The following ZFAT variants were observed in gnomAD, a reference collection of about 807,000 sequenced individuals.
The protein encoded by ZFAT is zinc finger protein ZFAT.
Under a neutral mutation model 117.7 loss-of-function variants are expected in ZFAT, and 64 were observed. That is an observed-to-expected ratio of 0.54 (90% CI 0.44 to 0.67). The LOEUF (loss-of-function observed/expected upper bound fraction) is 0.67. ZFAT is among the 30% of genes least tolerant of loss of function. ZFAT has a pLI of 0.00. For missense variants in ZFAT, 1,433 were observed against 1,584.5 expected (o/e 0.90, Z 1.62); for synonymous variants, 679 against 615.0 (o/e 1.10, Z -1.54).
At chr8:134,734,451 C>T in the ZFAT span, among the ~76,000 whole-genome samples, 2 of 152,248 alleles carry the variant, frequency 1.3e-5, no homozygotes, top group Non-Finnish European at 2.9e-5. Flanking sequence ...ACATATATCA[C>T]ACAGTTGTGA....
intron 2 of ZFAT, among the ~76,000 whole-genome samples, chr8:134,644,854 C>G (rs1563720121): frequency 6.6e-6 from 1 of 152,090 alleles, no homozygotes; most frequent in Non-Finnish European, 1.5e-5. Flanking sequence ...CACACACCAT[C>G]TATATACACA....
the ZFAT span, chr8:134,797,623 C>G: frequency 6.6e-6 from 1 of 151,996 alleles, no homozygotes. Flanking sequence ...TTAAGTAGCT[C>G]AACAGGTTCT....
intron 5 of ZFAT, among the ~76,000 whole-genome samples, chr8:134,603,448 A>G (rs1827662995): frequency 1.3e-5 from 2 of 152,234 alleles, no homozygotes; most frequent in South Asian, 4.1e-4. Context: ...AGTCTGCTGC[A>G]TAAGACTGGA....
chr8:134,585,137 G>A (rs758638309), intron 9 of ZFAT, among the ~76,000 whole-genome samples: 5 of 152,144 alleles, frequency 3.3e-5, no homozygotes, highest in African/African-American at 7.2e-5. Flanking sequence ...CACTTCCCAC[G>A]AAGTCTTCAG....
chr8:134,710,591 C>A (rs1813957316), intron 1 of ZFAT, among the ~76,000 whole-genome samples: 1 of 152,134 alleles, frequency 6.6e-6, no homozygotes, highest in Admixed American at 6.5e-5. Context: ...TGCTTGGGAC[C>A]AGAAGTTTTA....
intron 12 of ZFAT, among the ~76,000 whole-genome samples, chr8:134,526,130 T>A (rs1821009827): frequency 6.6e-6 from 1 of 152,160 alleles, no homozygotes; most frequent in Admixed American, 6.5e-5. Context: ...CTTTTAAAGG[T>A]TAAACTTAGG....
chr8:134,742,414 C>T, the ZFAT span, among the ~76,000 whole-genome samples: 123 of 152,306 alleles, frequency 8.1e-4, 2 homozygotes, highest in East Asian at 0.019. Flanking sequence ...CCCTCATCCC[C>T]TCCTCTCTCC....
intron 1 of ZFAT, among the ~76,000 whole-genome samples, chr8:134,662,695 C>T (rs1260339832): frequency 6.6e-6 from 1 of 152,240 alleles, no homozygotes; most frequent in Non-Finnish European, 1.5e-5. Context: ...CCAAGACTTT[C>T]AAGCCTTTGA....
the ZFAT span, among the ~76,000 whole-genome samples, chr8:134,820,032 G>A: frequency 1.3e-5 from 2 of 152,184 alleles, no homozygotes; most frequent in Non-Finnish European, 2.9e-5. Flanking sequence ...CTGGATAATA[G>A]AGAAACAGTT....
intron 3 of ZFAT, among the ~76,000 whole-genome samples, chr8:134,615,836 T>A (rs145353571): frequency 6.6e-6 from 1 of 152,280 alleles, no homozygotes; most frequent in African/African-American, 2.4e-5. Context: ...TCAGGCACCA[T>A]GGTGCCAGGC....
At chr8:134,553,004 TC>T (rs1212242657) in intron 11 of ZFAT, among the ~76,000 whole-genome samples, 3 of 152,206 alleles carry the variant, frequency 2.0e-5, no homozygotes, top group Non-Finnish European at 4.4e-5. Flanking sequence ...TTGTGGCATG[TC>T]CTGTGCGATG....
At chr8:134,741,308 G>C in the ZFAT span, among the ~76,000 whole-genome samples, 1 of 151,830 alleles carries the variant, frequency 6.6e-6, no homozygotes, top group Non-Finnish European at 1.5e-5. Flanking sequence ...TTCTGCTCCA[G>C]TACTTCTCTG....
intron 1 of ZFAT, among the ~76,000 whole-genome samples, chr8:134,706,400 A>G (rs1236235368): frequency 6.6e-6 from 1 of 152,190 alleles, no homozygotes; most frequent in Non-Finnish European, 1.5e-5. Flanking sequence ...CATCAAGACT[A>G]GTGGTTGCGG....
At chr8:134,555,181 T>A (rs1339095914) in intron 11 of ZFAT, among the ~76,000 whole-genome samples, 1 of 152,192 alleles carries the variant, frequency 6.6e-6, no homozygotes, top group African/African-American at 2.4e-5. Flanking sequence ...CACATGCTTA[T>A]CTCCCCAGCA....
chr8:134,682,293 A>T (rs760862512), intron 1 of ZFAT, among the ~76,000 whole-genome samples: 5 of 152,230 alleles, frequency 3.3e-5, no homozygotes, highest in Non-Finnish European at 4.4e-5. Flanking sequence ...AAACGCTGCC[A>T]AATAAACTCA....
the ZFAT span, among the ~76,000 whole-genome samples, chr8:134,737,249 C>T: frequency 6.6e-6 from 1 of 151,894 alleles, no homozygotes; most frequent in Non-Finnish European, 1.5e-5. Flanking sequence ...CACTGCACTC[C>T]AGCCTGGGCA....
chr8:134,573,241 T>C (rs1466773788), intron 10 of ZFAT, among the ~76,000 whole-genome samples: 1 of 152,134 alleles, frequency 6.6e-6, no homozygotes, highest in Non-Finnish European at 1.5e-5. Context: ...TGTGTGCGTG[T>C]ATGTGTGCAT....
intron 1 of ZFAT, among the ~76,000 whole-genome samples, chr8:134,682,524 G>A (rs984062610): frequency 2.0e-5 from 3 of 152,132 alleles, no homozygotes; most frequent in African/African-American, 4.8e-5. Flanking sequence ...GTGTGGTGGC[G>A]CCTGCCTGTG....
intron 1 of ZFAT, among the ~76,000 whole-genome samples, chr8:134,683,706 C>T (rs560234574): frequency 1.3e-5 from 2 of 152,062 alleles, no homozygotes; most frequent in East Asian, 1.9e-4. Flanking sequence ...CGCCACAGAC[C>T]GGTACCTGGA....
Sources: gnomAD v4.1 joint callset for allele counts (sites outside exome capture counted in the v4.1 genomes callset) on GRCh38, gnomAD v4.1.1 for gene constraint, MANE v1.5 for transcripts, NCBI Gene and HGNC (gene_info 2026-07-23, HGNC 2026-07-21) for gene names.